Variants in NOL4 observed in about 807,000 individuals in gnomAD.
NOL4 encodes cancer/testis antigen 125.
Under a neutral mutation model 75.9 loss-of-function variants are expected in NOL4, and 17 were observed. That is an observed-to-expected ratio of 0.22 (90% CI 0.15 to 0.34). The LOEUF (loss-of-function observed/expected upper bound fraction) is 0.34. Ranked by LOEUF, NOL4 falls within the 10% of genes least tolerant of loss-of-function variation. The pLI is 1.00. For synonymous variants in NOL4, 292 were observed against 289.9 expected (o/e 1.01, Z -0.07); for missense variants, 614 against 793.5 (o/e 0.77, Z 2.72).
chr18:34,010,307 A>T (rs1030279110), intron 6 of NOL4, among the ~76,000 whole-genome samples: 2 of 151,828 alleles, frequency 1.3e-5, no homozygotes, highest in African/African-American at 4.8e-5. Context: ...CTTCAGTTCC[A>T]TCCGTGTTGT....
chr18:34,171,502 A>C (rs1459506279), intron 1 of NOL4, among the ~76,000 whole-genome samples: 1 of 152,158 alleles, frequency 6.6e-6, no homozygotes, highest in Non-Finnish European at 1.5e-5. Context: ...GCAATCGAAG[A>C]TATTGTAGAG....
intron 2 of NOL4, chr18:34,121,359 T>C (rs1378118998): frequency 1.3e-5 from 2 of 152,042 alleles, no homozygotes; most frequent in African/African-American, 4.8e-5. Context: ...TGGTCTAGAG[T>C]TCATTGGCAT....
At chr18:34,125,220 C>G (rs2080331296) in intron 2 of NOL4, among the ~76,000 whole-genome samples, 2 of 152,112 alleles carry the variant, frequency 1.3e-5, no homozygotes, top group Admixed American at 6.6e-5. Flanking sequence ...GGAAAATGTG[C>G]TTGAGACCAA....
intron 5 of NOL4, among the ~76,000 whole-genome samples, chr18:34,058,894 C>T (rs2076942998): frequency 6.6e-6 from 1 of 151,878 alleles, no homozygotes; most frequent in South Asian, 2.1e-4. Context: ...ACAGCCTCTG[C>T]CTTCTGTATG....
chr18:33,956,160 C>G (rs1166847549), intron 8 of NOL4, among the ~76,000 whole-genome samples: 1 of 152,050 alleles, frequency 6.6e-6, no homozygotes, highest in African/African-American at 2.4e-5. Context: ...CCTTCTGGAA[C>G]AATAAATATT....
chr18:33,939,582 T>C (rs539876951), intron 9 of NOL4, among the ~76,000 whole-genome samples: 1 of 152,114 alleles, frequency 6.6e-6, no homozygotes, highest in Non-Finnish European at 1.5e-5. Context: ...TTGTCTGTTA[T>C]TGGTGTATAG....
chr18:34,101,963 T>G (rs1350273336), intron 4 of NOL4, among the ~76,000 whole-genome samples: 2 of 152,060 alleles, frequency 1.3e-5, no homozygotes, highest in African/African-American at 2.4e-5. Context: ...TTCCTCTTCC[T>G]TGAACATTCT....
intron 6 of NOL4, among the ~76,000 whole-genome samples, chr18:33,991,042 T>C (rs961670581): frequency 2.0e-5 from 3 of 152,084 alleles, no homozygotes; most frequent in African/African-American, 7.2e-5. Flanking sequence ...AGGTGTCCAA[T>C]TCTTTGGGTC....
chr18:34,143,125 A>T (rs1463210922), intron 1 of NOL4, among the ~76,000 whole-genome samples: 1 of 151,998 alleles, frequency 6.6e-6, no homozygotes, highest in Non-Finnish European at 1.5e-5. Context: ...AACCAAGTGG[A>T]GGAGCTCATG....
chr18:33,868,001 T>G (rs552947033), intron 10 of NOL4, among the ~76,000 whole-genome samples: 2 of 152,074 alleles, frequency 1.3e-5, no homozygotes, highest in South Asian at 4.2e-4. Context: ...CCACCTACAT[T>G]AGGGAGGGCA....
intron 1 of NOL4, among the ~76,000 whole-genome samples, chr18:34,162,303 GT>G (rs1390646686): frequency 6.6e-6 from 1 of 152,146 alleles, no homozygotes; most frequent in Non-Finnish European, 1.5e-5. Context: ...CGAGGAGATG[GT>G]TTTTTGAAAG....
At chr18:33,961,815 G>GT (rs1323371505) in intron 6 of NOL4, among the ~76,000 whole-genome samples, 1 of 152,044 alleles carries the variant, frequency 6.6e-6, no homozygotes, top group Non-Finnish European at 1.5e-5. Flanking sequence ...AAATGAAAAT[G>GT]TTGAGTTTTG....
At chr18:34,133,839 T>C (rs760743205) in intron 1 of NOL4, among the ~76,000 whole-genome samples, 5 of 152,080 alleles carry the variant, frequency 3.3e-5, no homozygotes, top group African/African-American at 4.8e-5. Flanking sequence ...CTGGCCAATA[T>C]GGTGAAACCC....
intron 5 of NOL4, among the ~76,000 whole-genome samples, chr18:34,021,141 T>C (rs2144481072): frequency 6.6e-6 from 1 of 152,196 alleles, no homozygotes; most frequent in East Asian, 1.9e-4. Context: ...TGGGGTTAAG[T>C]ATTTGGCCTG....
At chr18:33,979,779 T>C (rs1469407252) in intron 6 of NOL4, among the ~76,000 whole-genome samples, 2 of 152,062 alleles carry the variant, frequency 1.3e-5, no homozygotes, top group Non-Finnish European at 2.9e-5. Flanking sequence ...AAAAATTAGT[T>C]TGCCACAAAC....
At chr18:34,180,824 A>G (rs1451561514) in intron 1 of NOL4, among the ~76,000 whole-genome samples, 2 of 151,542 alleles carry the variant, frequency 1.3e-5, no homozygotes, top group African/African-American at 4.8e-5. Flanking sequence ...AAAGCAATCT[A>G]TTTTATACCA....
chr18:33,874,117 T>G (rs142402144), intron 10 of NOL4, among the ~76,000 whole-genome samples: 21 of 152,026 alleles, frequency 1.4e-4, no homozygotes, highest in African/African-American at 4.8e-4. Flanking sequence ...GGGGTTGTTA[T>G]GCACATTTGG....
chr18:34,079,215 G>A (rs2077884513), intron 5 of NOL4, among the ~76,000 whole-genome samples: 1 of 152,112 alleles, frequency 6.6e-6, no homozygotes, highest in South Asian at 2.1e-4. Context: ...AAGGAGGCAA[G>A]TGTATTCTCC....
chr18:34,168,256 A>G (rs888592610), intron 1 of NOL4, among the ~76,000 whole-genome samples: 2 of 151,966 alleles, frequency 1.3e-5, no homozygotes, highest in African/African-American at 2.4e-5. Flanking sequence ...ACAAAAAGAC[A>G]ATAAAACTGC....
Sources: gnomAD v4.1 joint callset for allele counts (sites outside exome capture counted in the v4.1 genomes callset) on GRCh38, gnomAD v4.1.1 for gene constraint, MANE v1.5 for transcripts, NCBI Gene and HGNC (gene_info 2026-07-23, HGNC 2026-07-21) for gene names.